The following RANBP17 variants were observed in gnomAD, a reference collection of about 807,000 sequenced individuals.
RANBP17 encodes the protein ran-binding protein 17.
In RANBP17, 158 loss-of-function variants were observed where a neutral mutation model predicts 141.2. That is an observed-to-expected ratio of 1.12 (90% CI 0.98 to 1.28). The LOEUF is 1.28. RANBP17 is among the 50% of genes most tolerant of loss of function. The pLI is 0.00. For missense variants in RANBP17, 1,438 were observed against 1,290.7 expected (o/e 1.11, Z -1.75); for synonymous variants, 430 against 450.0 (o/e 0.96, Z 0.56).
rs1427979689 is a variant in RANBP17, at chr5:170,916,458, T to G, written c.835-7T>G. 6.5e-7 allele frequency: 1 copy of G among 1,529,872 alleles called. No homozygotes were observed. The allele number at this position is 1,529,872 out of a possible 1,614,324, so 94.8% of individuals were successfully genotyped here. On this transcript the variant is annotated splice_region_variant and splice_polypyrimidine_tract_variant and intron_variant, in intron 8 of 27. Transcript: ENST00000523189. ...AATTGAAATGAAATTTTTTTGGTAT[T>G]TTTTAGGCACTTTCATGTTTAGTTC...
intron 14 of RANBP17, among the ~76,000 whole-genome samples, chr5:171,024,888 T>A (rs1393532316): frequency 6.6e-6 from 1 of 152,158 alleles, no homozygotes; most frequent in Non-Finnish European, 1.5e-5. Flanking sequence ...TAGCTAGGCC[T>A]GTCTTCTGAA....
intron 14 of RANBP17, among the ~76,000 whole-genome samples, chr5:171,071,544 G>T (rs545864020): frequency 4.1e-5 from 6 of 146,570 alleles, no homozygotes; most frequent in Admixed American, 1.4e-4. Flanking sequence ...CTCAGAAATA[G>T]ACCCACACAA....
At chr5:170,921,886 C>G (rs1044612775) in intron 11 of RANBP17, among the ~76,000 whole-genome samples, 21 of 152,132 alleles carry the variant, frequency 1.4e-4, no homozygotes, top group Admixed American at 2.6e-4. Context: ...GGGCTGCAGT[C>G]CTTTGGAGGA....
At chr5:170,965,193 C>G (rs1184606692) in intron 13 of RANBP17, among the ~76,000 whole-genome samples, 1 of 151,368 alleles carries the variant, frequency 6.6e-6, no homozygotes, top group Non-Finnish European at 1.5e-5. Flanking sequence ...GCATAAATGT[C>G]TTCTTTTGAG....
rs1345759753 is a variant in RANBP17 at position 171,199,674 on chromosome 5, AGATGAG to A, written c.2049_2054del (p.Asp684_Glu685del). ...ACCCTTTTGTTTCTCTGATAGGTGA[AGATGAG>A]GATGAATTTGAGAATTTCATGCTGC... On this transcript the variant is annotated inframe_deletion, in exon 19 of 28. Transcript: ENST00000523189. 1.2e-6 allele frequency: 2 copies of A among 1,602,014 alleles called. No homozygotes were observed. Among genetic ancestry groups the A allele is most frequent in the East Asian group, 4.5e-5 (2 of 44,756 alleles).
rs115016935 is a variant in RANBP17, at chr5:171,135,523, G to A, written c.1711-34607G>A. ...TTATTTGCTATTTCTGTATTCCTGC[G>A]TAGTCAATTCCTAAATACGCTTTCT... On this transcript the variant is annotated intron_variant, in intron 14 of 27. Transcript: ENST00000523189. Among the ~76,000 whole-genome samples, 910 of 152,090 alleles carry A rather than the reference G, an allele frequency of 6.0e-3. 9 individuals carry two copies. The highest frequency in any genetic ancestry group is 0.02 in the African/African-American group (845 of 41,492).
chr5:171,056,126 A>C (rs1376705185), intron 14 of RANBP17, among the ~76,000 whole-genome samples: 1 of 152,174 alleles, frequency 6.6e-6, no homozygotes, highest in Non-Finnish European at 1.5e-5. Context: ...GTAACATTTT[A>C]AGCAAAAAGC....
At position 171,149,826 on chromosome 5, in the gene RANBP17, TAGTG is replaced by T. The variant is rs544588307; in HGVS notation, c.1711-20301_1711-20298del. Among the ~76,000 whole-genome samples, 55 of 152,302 alleles carry T rather than the reference TAGTG, an allele frequency of 3.6e-4. No homozygotes were observed. In the East Asian group the frequency reaches 9.5e-3, roughly 26 times the overall value. On this transcript the variant is annotated intron_variant, in intron 14 of 27. Transcript: ENST00000523189. ...TTTTTCCACCTTTCTAAGATTAAAA[TAGTG>T]AGAGAAACCTCAAAGAAGAGGAAAT... is the stretch of plus-strand genomic sequence containing the variant.
At chr5:171,003,356 G>A (rs1561976000) in intron 14 of RANBP17, among the ~76,000 whole-genome samples, 1 of 152,178 alleles carries the variant, frequency 6.6e-6, no homozygotes. Flanking sequence ...CCTTTTGTGA[G>A]TTTATGTATT....
At chr5:171,222,526 A>T (rs963936993) in intron 22 of RANBP17, among the ~76,000 whole-genome samples, 3 of 152,146 alleles carry the variant, frequency 2.0e-5, no homozygotes, top group Non-Finnish European at 2.9e-5. Flanking sequence ...TGTGCAATGC[A>T]CTTCTCCTTG....
chr5:170,924,345 CTG>C lies in RANBP17; in HGVS notation c.1275-8_1275-7del, dbSNP rs1772734018. 14 of 1,520,852 alleles carry C rather than the reference CTG, an allele frequency of 9.2e-6. No individual in the cohort carries two copies. The highest frequency in any genetic ancestry group is 2.6e-5 in the South Asian group (2 of 78,408). 94.2% of individuals were successfully genotyped at this position (1,520,852 alleles called of 1,614,324 possible). ...TTCTAATGTTGTCTGCAAACTTATT[CTG>C]TGTTTGCAGAGATCACTTAGATGAT... is the stretch of plus-strand genomic sequence containing the variant. On this transcript the variant is annotated splice_polypyrimidine_tract_variant and intron_variant, in intron 11 of 27. Transcript: ENST00000523189.
chr5:170,896,151 T>C (rs1561865221), intron 5 of RANBP17, 36 bp downstream of exon 5: 1 of 1,423,360 alleles, frequency 7.0e-7, no homozygotes, highest in South Asian at 1.2e-5. Flanking sequence ...GAGCCTGAGT[T>C]TGCTTAAGTA....
rs369408858 is a variant in RANBP17 at position 171,158,615 on chromosome 5, TG to T, written c.1711-11514del. On this transcript the variant is annotated intron_variant, in intron 14 of 27. Transcript: ENST00000523189. ...GCTGAGAATTGCAATTCTCAAGTTT[TG>T]TTGTAACCTTTTTTTTTTTTCTTAA... is the stretch of plus-strand genomic sequence containing the variant. The T allele has an allele frequency of 4.9e-4, 84 of 172,120 alleles. 1 individual carries two copies. The South Asian group carries it at 0.016, about 34-fold the overall frequency. The allele number at this position is 172,120 out of a possible 1,614,324, so 10.7% of individuals were successfully genotyped here.
intron 1 of RANBP17, among the ~76,000 whole-genome samples, chr5:170,870,209 A>G (rs1355897709): frequency 6.6e-6 from 1 of 152,192 alleles, no homozygotes; most frequent in African/African-American, 2.4e-5. Context: ...ATATAAATAC[A>G]TATTTAATTT....
At chr5:170,882,181 T>C (rs776617025) in intron 3 of RANBP17, among the ~76,000 whole-genome samples, 6 of 152,058 alleles carry the variant, frequency 3.9e-5, no homozygotes, top group African/African-American at 9.7e-5. Flanking sequence ...CCTCCTGGCG[T>C]AGCAATTCTC....
At chr5:171,281,626 G>A (rs1217997557) in intron 25 of RANBP17, among the ~76,000 whole-genome samples, 1 of 152,150 alleles carries the variant, frequency 6.6e-6, no homozygotes, top group Non-Finnish European at 1.5e-5. Context: ...TGAGCAGTGA[G>A]TAAGTGTGAG....
chr5:171,235,078 C>A (rs1467158741), intron 22 of RANBP17, among the ~76,000 whole-genome samples: 1 of 152,092 alleles, frequency 6.6e-6, no homozygotes, highest in African/African-American at 2.4e-5. Flanking sequence ...TGAAGAAAAT[C>A]GAGAGAATGT....
chr5:170,907,935 C>T (rs1771204514), intron 5 of RANBP17, among the ~76,000 whole-genome samples: 1 of 151,900 alleles, frequency 6.6e-6, no homozygotes, highest in Admixed American at 6.6e-5. Flanking sequence ...TTCCACATTA[C>T]TCATCATCTT....
chr5:171,298,589 G>T (rs946441750), intron 27 of RANBP17, among the ~76,000 whole-genome samples, 173 bp from the exon 28 acceptor site: 4 of 152,202 alleles, frequency 2.6e-5, no homozygotes, highest in African/African-American at 9.7e-5. Context: ...AGTACTGGTG[G>T]CAGAACAGCA....
Sources: allele counts gnomAD v4.1 joint callset (sites outside exome capture counted in the v4.1 genomes callset), GRCh38; gene constraint gnomAD v4.1.1; transcripts MANE v1.5; gene names NCBI Gene and HGNC (gene_info 2026-07-23, HGNC 2026-07-21).